The following ITPR1 variants were observed in gnomAD, a reference collection of about 807,000 sequenced individuals.
ITPR1 encodes inositol 1,4,5-trisphosphate-gated calcium channel ITPR1.
Under a neutral mutation model 318.4 loss-of-function variants are expected in ITPR1, and 96 were observed. That is an observed-to-expected ratio of 0.30 (90% confidence interval 0.26 to 0.36). ITPR1 has a LOEUF of 0.36. Ranked by LOEUF, ITPR1 falls within the 10% of genes least tolerant of loss-of-function variation. The probability of loss-of-function intolerance (pLI) is 1.00; values close to 1 mark genes in which losing one functional copy is unlikely to be tolerated. For missense variants in ITPR1, 2,440 were observed against 3,460.2 expected (o/e 0.71, Z 7.40); for synonymous variants, 1,312 against 1,289.9 (o/e 1.02, Z -0.37).
At chr3:4,535,440 TA>T (rs2083769687) in intron 4 of ITPR1, among the ~76,000 whole-genome samples, 1 of 112,174 alleles carries the variant, frequency 8.9e-6, no homozygotes, top group African/African-American at 2.9e-5. Flanking sequence ...TTTTTTTTTT[TA>T]ATTTTTTTTT....
chr3:4,694,481 G>A (rs2094527139), intron 33 of ITPR1, among the ~76,000 whole-genome samples: 1 of 152,000 alleles, frequency 6.6e-6, no homozygotes, highest in Admixed American at 6.6e-5. Flanking sequence ...ACAGTCATGT[G>A]TCGCTTAGTG....
At chr3:4,752,696 A>G (rs901849) in intron 44 of ITPR1, among the ~76,000 whole-genome samples, 85,476 of 152,074 alleles carry the variant, frequency 0.56, 24,193 homozygotes, top group Middle Eastern at 0.81. Context: ...AAGAGGCCTT[A>G]CTGTGTTGAC....
At chr3:4,726,818 A>G (rs1228929412) in intron 41 of ITPR1, among the ~76,000 whole-genome samples, 4 of 152,214 alleles carry the variant, frequency 2.6e-5, no homozygotes. Context: ...CTTTTGGGTT[A>G]ATGTCACAGC....
intron 3 of ITPR1, among the ~76,000 whole-genome samples, chr3:4,518,431 T>C (rs186918203): frequency 1.6e-4 from 25 of 152,340 alleles, no homozygotes; most frequent in Non-Finnish European, 3.4e-4. Context: ...TTTTGAACTT[T>C]GGGTTGCTAA....
intron 4 of ITPR1, among the ~76,000 whole-genome samples, chr3:4,567,659 G>T (rs1488399720): frequency 6.6e-6 from 1 of 151,982 alleles, no homozygotes; most frequent in Non-Finnish European, 1.5e-5. Flanking sequence ...AGGCTGGAGT[G>T]CATGCTGCCA....
intron 4 of ITPR1, among the ~76,000 whole-genome samples, chr3:4,546,571 A>G (rs1014292929): frequency 1.2e-4 from 18 of 152,088 alleles, no homozygotes; most frequent in Non-Finnish European, 1.8e-4. Context: ...TCAGTAGCAA[A>G]TGCATGCTCT....
At chr3:4,794,414 G>C (rs540163141) in intron 52 of ITPR1, among the ~76,000 whole-genome samples, 1 of 152,170 alleles carries the variant, frequency 6.6e-6, no homozygotes, top group Non-Finnish European at 1.5e-5. Flanking sequence ...TGCTGACCAC[G>C]AGGTCAGCAA....
intron 58 of ITPR1, 43 bp downstream of exon 58, chr3:4,814,605 G>A (rs2049166498): frequency 4.0e-6 from 5 of 1,265,550 alleles, no homozygotes; most frequent in Admixed American, 3.7e-5. Context: ...GGGGGCGGGT[G>A]GGGTGGTTGG....
intron 52 of ITPR1, among the ~76,000 whole-genome samples, chr3:4,791,743 G>A (rs990065609): frequency 6.6e-6 from 1 of 152,210 alleles, no homozygotes; most frequent in African/African-American, 2.4e-5. Flanking sequence ...TGTGACTAGA[G>A]CTGTAATCAA....
chr3:4,836,735 CTTT>C (rs201029025), intron 60 of ITPR1, 36 bp from the exon 61 acceptor site: 15,938 of 1,052,414 alleles, frequency 0.015, no homozygotes, highest in East Asian at 0.024. Flanking sequence ...GTGACTCAGT[CTTT>C]TTTTTTTTTT....
At chr3:4,793,499 TA>T (rs1196664723) in intron 52 of ITPR1, among the ~76,000 whole-genome samples, 1 of 152,250 alleles carries the variant, frequency 6.6e-6, no homozygotes, top group African/African-American at 2.4e-5. Context: ...TTCTGGAGTT[TA>T]CATATCCAGA....
chr3:4,526,222 T>A (rs1484092016), intron 4 of ITPR1, among the ~76,000 whole-genome samples: 1 of 152,098 alleles, frequency 6.6e-6, no homozygotes, highest in African/African-American at 2.4e-5. Flanking sequence ...ATAAAAGCTG[T>A]TCGAAGGGAA....
At chr3:4,659,859 G>T (rs2125187679) in intron 13 of ITPR1, among the ~76,000 whole-genome samples, 1 of 151,970 alleles carries the variant, frequency 6.6e-6, no homozygotes, top group East Asian at 1.9e-4. Context: ...ATATTACATT[G>T]TAACAATAGA....
chr3:4,812,908 G>A, intron 56 of ITPR1: 2 of 540,776 alleles, frequency 3.7e-6, no homozygotes, highest in South Asian at 2.1e-5. Context: ...TTGGAGAGGT[G>A]CTATTTAAGT....
chr3:4,792,870 G>A (rs989722404), intron 52 of ITPR1, among the ~76,000 whole-genome samples: 1 of 152,218 alleles, frequency 6.6e-6, no homozygotes, highest in African/African-American at 2.4e-5. Flanking sequence ...CACTTGAAGG[G>A]AGGAGGATCA....
intron 12 of ITPR1, among the ~76,000 whole-genome samples, chr3:4,654,848 T>G (rs2093671293): frequency 6.6e-6 from 1 of 152,228 alleles, no homozygotes; most frequent in South Asian, 2.1e-4. Context: ...GGTGAAATGT[T>G]GGCTTTGAAA....
intron 4 of ITPR1, among the ~76,000 whole-genome samples, chr3:4,626,150 TA>T (rs776106636): frequency 2.4e-4 from 36 of 149,516 alleles, no homozygotes; most frequent in African/African-American, 5.6e-4. Flanking sequence ...CCTATCTCTT[TA>T]AAAAAAAAAT....
At chr3:4,814,587 A>T in intron 58 of ITPR1, 25 bp downstream of exon 58, 2 of 800,850 alleles carry the variant, frequency 2.5e-6, no homozygotes, top group Non-Finnish European at 3.7e-6. Flanking sequence ...AGGGGAAGGA[A>T]GGGCAAAGGG....
intron 19 of ITPR1, 72 bp from the exon 20 acceptor site, chr3:4,670,657 T>C (rs1389249626): frequency 6.2e-6 from 7 of 1,126,892 alleles, no homozygotes; most frequent in Middle Eastern, 2.6e-4. Context: ...TGTGTCTTTA[T>C]GCTGAAAGTA....
Sources: gnomAD v4.1 joint callset for allele counts (sites outside exome capture counted in the v4.1 genomes callset) on GRCh38, gnomAD v4.1.1 for gene constraint, MANE v1.5 for transcripts, NCBI Gene and HGNC (gene_info 2026-07-23, HGNC 2026-07-21) for gene names.